Variants in GTF2IRD1 observed in about 807,000 individuals in gnomAD.
GTF2IRD1 encodes the protein GTF2I repeat domain containing 1, also known as general transcription factor II-I repeat domain-containing protein 1.
Under a neutral mutation model 113.2 loss-of-function variants are expected in GTF2IRD1, and 26 were observed. The ratio of observed to expected loss-of-function variants is 0.23; its 90% CI spans 0.17 to 0.32. The LOEUF (loss-of-function observed/expected upper bound fraction) is 0.32, where lower values mean the gene tolerates loss of function less well. Ranked by LOEUF, GTF2IRD1 falls within the 10% of genes least tolerant of loss-of-function variation. The pLI is 1.00. For synonymous variants in GTF2IRD1, 484 were observed against 529.1 expected (o/e 0.91, Z 1.17); for missense variants, 864 against 1,280.8 (o/e 0.67, Z 4.97).
intron 8 of GTF2IRD1, among the ~76,000 whole-genome samples, chr7:74,527,567 G>A (rs1554347467): frequency 6.6e-6 from 1 of 152,196 alleles, no homozygotes; most frequent in Admixed American, 6.5e-5. Context: ...TGGGGCCGGG[G>A]ACTGTGGTTC....
intron 17 of GTF2IRD1, among the ~76,000 whole-genome samples, chr7:74,547,996 C>T (rs1368515513): frequency 3.3e-5 from 5 of 152,240 alleles, no homozygotes; most frequent in South Asian, 4.1e-4. Flanking sequence ...GCCCTGTCGT[C>T]CCAGAATGGG....
At chr7:74,580,490 G>A (rs2130934377) in intron 22 of GTF2IRD1, among the ~76,000 whole-genome samples, 1 of 152,246 alleles carries the variant, frequency 6.6e-6, no homozygotes, top group East Asian at 1.9e-4. Context: ...AGAGAGCCGT[G>A]GAGCCAGCCC....
At chr7:74,486,075 G>A (rs1554335531) in intron 1 of GTF2IRD1, among the ~76,000 whole-genome samples, 1 of 151,828 alleles carries the variant, frequency 6.6e-6, no homozygotes, top group Non-Finnish European at 1.5e-5. Flanking sequence ...GGTTCAAGCA[G>A]TTCTCCTGCC....
At chr7:74,492,450 G>A (rs190314868) in intron 1 of GTF2IRD1, among the ~76,000 whole-genome samples, 2 of 152,192 alleles carry the variant, frequency 1.3e-5, no homozygotes, top group East Asian at 1.9e-4. Context: ...GATTACTGGT[G>A]TGAGCCACCA....
At chr7:74,459,761 T>C (rs1266493410) in intron 1 of GTF2IRD1, among the ~76,000 whole-genome samples, 1 of 152,204 alleles carries the variant, frequency 6.6e-6, no homozygotes, top group East Asian at 1.9e-4. Context: ...TTACCTGTTG[T>C]TGATCTGTAG....
chr7:74,595,484 C>G (rs1460641044), intron 25 of GTF2IRD1, among the ~76,000 whole-genome samples: 1 of 151,546 alleles, frequency 6.6e-6, no homozygotes, highest in Non-Finnish European at 1.5e-5. Context: ...GATTGTACCA[C>G]TGCACTCCAG....
chr7:74,506,978 C>T (rs782799476), intron 1 of GTF2IRD1: 6 of 152,324 alleles, frequency 3.9e-5, no homozygotes, highest in Non-Finnish European at 8.8e-5. Flanking sequence ...CCCCTGATGC[C>T]AAGTCTCCTG....
intron 24 of GTF2IRD1, among the ~76,000 whole-genome samples, chr7:74,591,558 T>C (rs1802065336): frequency 6.6e-6 from 1 of 151,990 alleles, no homozygotes; most frequent in Admixed American, 6.6e-5. Context: ...TTGTATTTTT[T>C]TGGTAGAGAT....
chr7:74,495,068 C>T (rs1400202837), intron 1 of GTF2IRD1, among the ~76,000 whole-genome samples: 2 of 152,216 alleles, frequency 1.3e-5, no homozygotes, highest in Non-Finnish European at 2.9e-5. Context: ...AATGTATTGT[C>T]AGATTTAAAA....
At chr7:74,480,085 T>C (rs1794648755) in intron 1 of GTF2IRD1, among the ~76,000 whole-genome samples, 1 of 151,860 alleles carries the variant, frequency 6.6e-6, no homozygotes, top group East Asian at 1.9e-4. Flanking sequence ...TGATGAATTT[T>C]CCCCCGACTT....
At chr7:74,455,105 C>T (rs1314759232) in intron 1 of GTF2IRD1, among the ~76,000 whole-genome samples, 1 of 152,144 alleles carries the variant, frequency 6.6e-6, no homozygotes, top group African/African-American at 2.4e-5. Flanking sequence ...CCTAGTGACC[C>T]TACCTCCCAG....
intron 1 of GTF2IRD1, among the ~76,000 whole-genome samples, chr7:74,490,833 T>C (rs1562796610): frequency 6.6e-6 from 1 of 152,032 alleles, no homozygotes; most frequent in Non-Finnish European, 1.5e-5. Context: ...GGGAAGAGAT[T>C]GGAGAGCTCT....
intron 1 of GTF2IRD1, among the ~76,000 whole-genome samples, chr7:74,495,067 T>C (rs1159835989): frequency 6.6e-6 from 1 of 152,228 alleles, no homozygotes; most frequent in Non-Finnish European, 1.5e-5. Context: ...GAATGTATTG[T>C]CAGATTTAAA....
intron 1 of GTF2IRD1, among the ~76,000 whole-genome samples, chr7:74,487,828 C>T (rs1795115285): frequency 6.6e-6 from 1 of 152,152 alleles, no homozygotes; most frequent in Non-Finnish European, 1.5e-5. Flanking sequence ...AACAAAGATG[C>T]TTCAGAAATA....
intron 1 of GTF2IRD1, among the ~76,000 whole-genome samples, chr7:74,469,188 G>A (rs1349818927): frequency 6.6e-6 from 1 of 152,066 alleles, no homozygotes; most frequent in African/African-American, 2.4e-5. Context: ...TTTGGAGGCT[G>A]GGGTAGGAGC....
At chr7:74,506,608 G>C (rs1476364257) in intron 1 of GTF2IRD1, 1 of 152,212 alleles carries the variant, frequency 6.6e-6, no homozygotes, top group Non-Finnish European at 1.5e-5. Flanking sequence ...GGGGAACCGA[G>C]AGGCCCCTGC....
At chr7:74,476,400 T>C (rs1794412425) in intron 1 of GTF2IRD1, among the ~76,000 whole-genome samples, 1 of 109,408 alleles carries the variant, frequency 9.1e-6, no homozygotes, top group Non-Finnish European at 1.8e-5. Context: ...AGTCTCACTC[T>C]GTCGCCCAGG....
chr7:74,527,616 C>T (rs1370402960), intron 8 of GTF2IRD1, among the ~76,000 whole-genome samples: 3 of 152,160 alleles, frequency 2.0e-5, no homozygotes, highest in Admixed American at 6.6e-5. Flanking sequence ...CCAAGGCAGG[C>T]GGATCACCTG....
At chr7:74,597,029 AGAAT>A (rs146261057) in intron 25 of GTF2IRD1, among the ~76,000 whole-genome samples, 34 of 151,708 alleles carry the variant, frequency 2.2e-4, no homozygotes, top group African/African-American at 8.0e-4. Context: ...CCTGGATGAC[AGAAT>A]GAGACCCCAT....
Sources: gnomAD v4.1 joint callset for allele counts (sites outside exome capture counted in the v4.1 genomes callset) on GRCh38, gnomAD v4.1.1 for gene constraint, MANE v1.5 for transcripts, NCBI Gene and HGNC (gene_info 2026-07-23, HGNC 2026-07-21) for gene names.